GRIP1: variants seen among roughly 807,000 people sequenced by gnomAD.
GRIP1 encodes the protein glutamate receptor interacting protein 1.
In GRIP1, 45 loss-of-function variants were observed where a neutral mutation model predicts 129.9. That is an observed-to-expected ratio of 0.35 (90% CI 0.27 to 0.44). The LOEUF (loss-of-function observed/expected upper bound fraction) is 0.44. Ranked by LOEUF, GRIP1 falls within the 20% of genes least tolerant of loss-of-function variation. GRIP1 has a pLI of 1.00. For missense variants in GRIP1, 1,196 were observed against 1,396.8 expected (o/e 0.86, Z 2.29); for synonymous variants, 530 against 520.8 (o/e 1.02, Z -0.24).
chr12:66,535,258 A>G (rs1221762151), intron 4 of GRIP1, among the ~76,000 whole-genome samples: 1 of 152,162 alleles, frequency 6.6e-6, no homozygotes, highest in East Asian at 1.9e-4. Flanking sequence ...AGAGGAATAC[A>G]GATGTATAAT....
At chr12:66,466,015 G>A (rs1337323723) in intron 7 of GRIP1, among the ~76,000 whole-genome samples, 1 of 152,192 alleles carries the variant, frequency 6.6e-6, no homozygotes, top group Non-Finnish European at 1.5e-5. Flanking sequence ...GATGGATGAT[G>A]TCTCTAGCCA....
At chr12:66,626,340 C>CAAA (rs112364955) in intron 1 of GRIP1, among the ~76,000 whole-genome samples, 100 of 141,158 alleles carry the variant, frequency 7.1e-4, no homozygotes, top group African/African-American at 1.9e-3. Context: ...ACCCCATCTC[C>CAAA]AAAAAAAAAA....
At position 66,349,202 on chromosome 12, in the gene GRIP1, CACA is replaced by C; in HGVS notation, c.3201_3203del (p.Val1068del). On this transcript the variant is annotated inframe_deletion, in exon 25 of 25. Transcript: ENST00000359742. ...TATTCCCGGATTCTGCTATGAGGGG[CACA>C]ACAAGGCAGCAGTCAAAGTCTCTGG... The C allele has an allele frequency of 6.2e-7, 1 of 1,614,064 alleles. No homozygotes were observed. The highest frequency in any genetic ancestry group is 8.5e-7 in the Non-Finnish European group (1 of 1,179,974).
At chr12:66,728,261 C>T (rs1166969668) in intron 1 of GRIP1, among the ~76,000 whole-genome samples, 1 of 152,180 alleles carries the variant, frequency 6.6e-6, no homozygotes, top group Non-Finnish European at 1.5e-5. Flanking sequence ...TTAATGGTGG[C>T]TTAAACACAG....
intron 11 of GRIP1, among the ~76,000 whole-genome samples, chr12:66,449,983 G>A (rs2058732863): frequency 6.6e-6 from 1 of 152,026 alleles, no homozygotes; most frequent in East Asian, 1.9e-4. Flanking sequence ...AAACTTTAAG[G>A]CAGCTGTTTA....
At chr12:66,371,517 G>A (rs1412452898) in intron 23 of GRIP1, among the ~76,000 whole-genome samples, 177 bp downstream of exon 23, 1 of 152,134 alleles carries the variant, frequency 6.6e-6, no homozygotes, top group Non-Finnish European at 1.5e-5. Context: ...CTGCTTTTCA[G>A]GATAACCTCC....
At chr12:66,848,207 C>T (rs975861687) in intron 1 of GRIP1, among the ~76,000 whole-genome samples, 1 of 151,680 alleles carries the variant, frequency 6.6e-6, no homozygotes, top group Non-Finnish European at 1.5e-5. Flanking sequence ...TTCTTCTTCC[C>T]TCCTTCCCTT....
chr12:66,533,101 C>G (rs1379558248), intron 4 of GRIP1, among the ~76,000 whole-genome samples: 1 of 152,082 alleles, frequency 6.6e-6, no homozygotes, highest in African/African-American at 2.4e-5. Flanking sequence ...TAGGTGTTAA[C>G]TAAAAATGGA....
At chr12:67,000,202 A>T (rs1303002365) in intron 1 of GRIP1, among the ~76,000 whole-genome samples, 1 of 152,174 alleles carries the variant, frequency 6.6e-6, no homozygotes, top group Non-Finnish European at 1.5e-5. Flanking sequence ...TTTATAAATA[A>T]ATTAGGTAAG....
chr12:66,808,987 A>G (rs915133996), upstream of GRIP1, among the ~76,000 whole-genome samples: 1 of 152,254 alleles, frequency 6.6e-6, no homozygotes, highest in African/African-American at 2.4e-5. Context: ...TTATCAGTTG[A>G]GCTAAATGTT....
intron 1 of GRIP1, among the ~76,000 whole-genome samples, chr12:66,964,012 T>A (rs1245483325): frequency 6.6e-6 from 1 of 152,162 alleles, no homozygotes; most frequent in African/African-American, 2.4e-5. Flanking sequence ...ACAAGTTCTC[T>A]TAGTTCTACC....
chr12:66,972,497 G>A (rs2042088963), intron 1 of GRIP1, among the ~76,000 whole-genome samples: 1 of 152,154 alleles, frequency 6.6e-6, no homozygotes, highest in Admixed American at 6.5e-5. Flanking sequence ...CTGAGCACTT[G>A]AAATGTGCCT....
At chr12:67,047,285 C>T (rs1212931366) in intron 1 of GRIP1, among the ~76,000 whole-genome samples, 5 of 152,064 alleles carry the variant, frequency 3.3e-5, no homozygotes, top group African/African-American at 1.2e-4. Context: ...GTTCACTTTA[C>T]TAACTTAAAA....
chr12:66,708,471 TA>T (rs1407929051), intron 1 of GRIP1, among the ~76,000 whole-genome samples: 1 of 151,932 alleles, frequency 6.6e-6, no homozygotes, highest in Non-Finnish European at 1.5e-5. Flanking sequence ...TAAGTTCTGT[TA>T]GGATATTTTC....
At chr12:66,982,704 A>G (rs1233482386) in intron 1 of GRIP1, among the ~76,000 whole-genome samples, 1 of 152,170 alleles carries the variant, frequency 6.6e-6, no homozygotes, top group Admixed American at 6.5e-5. Context: ...CCCCCAGTCA[A>G]GTCTTCAAAT....
intron 11 of GRIP1, among the ~76,000 whole-genome samples, chr12:66,452,047 A>G (rs2058823057): frequency 2.0e-5 from 3 of 152,224 alleles, no homozygotes; most frequent in Admixed American, 2.0e-4. Context: ...AGCAGCAAAG[A>G]CCATTCTGGA....
At chr12:66,976,834 T>C (rs1305230902) in intron 1 of GRIP1, among the ~76,000 whole-genome samples, 1 of 152,202 alleles carries the variant, frequency 6.6e-6, no homozygotes, top group Non-Finnish European at 1.5e-5. Context: ...TACTTATCTC[T>C]ACTCTTCCAA....
intron 1 of GRIP1, among the ~76,000 whole-genome samples, chr12:66,820,787 A>AT (rs2039302987): frequency 6.6e-6 from 1 of 152,076 alleles, no homozygotes. Flanking sequence ...ACTGTATGAC[A>AT]TTTGGGAAAA....
Position 66,465,366 on chromosome 12 carries a change from C to A in GRIP1, c.781G>T (p.Ala261Ser). The A allele has an allele frequency of 6.2e-7, 1 of 1,613,940 alleles. No individual in the cohort carries two copies. Among genetic ancestry groups the A allele is most frequent in the Non-Finnish European group, 8.5e-7 (1 of 1,179,790 alleles). ...GTAGTTAGGGCAACCCCAAGGCTGG[C>A]ACCAGGAGTTTTGGCAACTTCGACT... is the stretch of plus-strand genomic sequence containing the variant. ...LLVEVAKTPG[A>S]SLGVALTTSM... The change falls in exon 8 of 25, where the codon GCC (alanine) becomes TCC (serine). Residue 261 changes from alanine (A) to serine (S), a missense_variant. Physicochemically the swap from Ala to Ser is moderately conservative, Grantham distance 99. Transcript: ENST00000359742.
Sources: allele counts gnomAD v4.1 joint callset (sites outside exome capture counted in the v4.1 genomes callset), GRCh38; gene constraint gnomAD v4.1.1; transcripts MANE v1.5; gene names NCBI Gene and HGNC (gene_info 2026-07-23, HGNC 2026-07-21).